The following EXOC1 variants were observed in gnomAD, a reference collection of about 807,000 sequenced individuals.
EXOC1 encodes exocyst complex component 1, also known as SEC3-like 1.
A neutral mutation model predicts 107.7 loss-of-function variants in EXOC1; 67 were observed. That is an observed-to-expected ratio of 0.62 (90% CI 0.51 to 0.76). EXOC1 has a LOEUF of 0.76. Among genes scored for constraint, EXOC1 ranks in the 30% least tolerant of loss-of-function variants. EXOC1 has a pLI of 0.00. For missense variants in EXOC1, 833 were observed against 1,055.7 expected, an observed-to-expected ratio of 0.79 and a Z score of 2.92; for synonymous variants, 348 against 353.5, an observed-to-expected ratio of 0.98 and a Z score of 0.17.
chr4:55,890,382 A>G lies in EXOC1; in HGVS notation c.1535A>G (p.Asp512Gly), dbSNP rs769854061. The change falls in exon 12 of 19, where the codon GAT (aspartate) becomes GGT (glycine). Residue 512 changes from aspartate (D) to glycine (G), a missense_variant. Coordinates refer to ENST00000381295, the MANE Select transcript of EXOC1 (RefSeq NM_001024924.2). Reference protein sequence around the residue: ...DLDVADRTKFDKIFEQVLSEL... With the variant: ...DLDVADRTKFGKIFEQVLSEL... ...GATGTTGCTGACAGGACCAAATTTGATAAGGTAAACTAAAATAACAAGTAC... is the reference window on the plus strand; with the variant it reads ...GATGTTGCTGACAGGACCAAATTTGGTAAGGTAAACTAAAATAACAAGTAC... The G allele has an allele frequency of 1.9e-6, 3 of 1,613,516 alleles. No homozygotes were observed. Among genetic ancestry groups the G allele is most frequent in the South Asian group, 2.2e-5 (2 of 91,050 alleles).
At position 55,877,845 on chromosome 4, in the gene EXOC1, T is replaced by C. The variant is rs561827838; in HGVS notation, c.1075-72T>C. 8.7e-5 allele frequency: 138 copies of C among 1,579,352 alleles called. 2 individuals carry two copies. In the Middle Eastern group the frequency reaches 2.5e-3, roughly 29 times the overall value. ...TTTGGCTTGGCCACATTTTGGTCATTGTTTAGACTTTTTATTGTAACGTTT... is the reference window on the plus strand; with the variant it reads ...TTTGGCTTGGCCACATTTTGGTCATCGTTTAGACTTTTTATTGTAACGTTT... On this transcript the variant is annotated intron_variant, in intron 8 of 18. Transcript: ENST00000381295.
intron 1 of EXOC1, among the ~76,000 whole-genome samples, chr4:55,856,828 A>G (rs944351057): frequency 6.6e-6 from 1 of 152,234 alleles, no homozygotes; most frequent in Non-Finnish European, 1.5e-5. Context: ...TATTGAGATT[A>G]TGTATCATAA....
chr4:55,886,407 G>A (rs990798938), intron 10 of EXOC1, among the ~76,000 whole-genome samples: 1 of 151,722 alleles, frequency 6.6e-6, no homozygotes, highest in Non-Finnish European at 1.5e-5. Flanking sequence ...TCAAAAATTA[G>A]CCAGGCATGG....
Position 55,902,353 on chromosome 4 carries a change from GA to G in EXOC1, c.2349del (p.Gly784ValfsTer10). On this transcript the variant is annotated frameshift_variant, in exon 18 of 19. Coordinates refer to ENST00000381295, the MANE Select transcript of EXOC1 (RefSeq NM_001024924.2). LOFTEE classifies it high-confidence loss of function. Reference protein sequence around the residue: ...QPLEKLNHFFEGVEARVAQGI... With the variant: ...QPLEKLNHFFXGVEARVAQGI... ...TTTCATTTCCTTGAAGCATTTCTTT[GA>G]AGGTGTTGAAGCTCGCGTGGCACAG... 1 of 1,458,274 alleles carries G rather than the reference GA, an allele frequency of 6.9e-7. No individual in the cohort carries two copies. Among genetic ancestry groups the G allele is most frequent in the Non-Finnish European group, 9.0e-7 (1 of 1,105,966 alleles). 90.3% of individuals were successfully genotyped at this position (1,458,274 alleles called of 1,614,324 possible).
Position 55,877,997 on chromosome 4 carries a change from G to A in EXOC1, c.1155G>A (p.Leu385=). The A allele has an allele frequency of 6.2e-7, 1 of 1,613,780 alleles. No individual in the cohort carries two copies. The highest frequency in any genetic ancestry group is 8.5e-7 in the Non-Finnish European group (1 of 1,179,856). Residue 385 remains leucine, a synonymous_variant, in exon 9 of 19, where the codon TTG becomes TTA. Coordinates refer to ENST00000381295, the MANE Select transcript of EXOC1 (RefSeq NM_001024924.2). ...ATCATCATCCATTTCATAGAGATTT[G>A]CTCCGATATGCCAAGCTGATGGAGT... The part of the protein sequence containing the change: ...LPNHHPFHRD[L]LRYAKLMEWL...
At position 55,858,348 on chromosome 4, in the gene EXOC1, CA is replaced by C; in HGVS notation, c.28del (p.Arg10GlufsTer12). The C allele has an allele frequency of 6.2e-7, 1 of 1,608,742 alleles. No homozygotes were observed. The highest frequency in any genetic ancestry group is 8.5e-7 in the Non-Finnish European group (1 of 1,177,718). ...GATGACAGCAATCAAGCATGCATTACAAAGAGACATTTTTACACCAAATGAT... is the reference window on the plus strand; with the variant it reads ...GATGACAGCAATCAAGCATGCATTACAAGAGACATTTTTACACCAAATGAT... MTAIKHAL[Q>X]RDIFTPNDER... is the part of the protein sequence containing the mutation. On this transcript the variant is annotated frameshift_variant, in exon 2 of 19. Transcript: ENST00000381295. LOFTEE classifies it high-confidence loss of function.
intron 16 of EXOC1, among the ~76,000 whole-genome samples, chr4:55,898,928 A>G (rs1407226112): frequency 1.3e-5 from 2 of 152,142 alleles, no homozygotes; most frequent in African/African-American, 4.8e-5. Flanking sequence ...ATTACTAGAA[A>G]TGGAATTACT....
At chr4:55,855,366 G>T (rs28592976) in intron 1 of EXOC1, among the ~76,000 whole-genome samples, 3,077 of 152,206 alleles carry the variant, frequency 0.02, 121 homozygotes, top group African/African-American at 0.07. Context: ...TAAGGGAATA[G>T]GGAAGCAAAT....
intron 8 of EXOC1, chr4:55,876,945 A>T: frequency 1.0e-6 from 1 of 985,282 alleles, no homozygotes; most frequent in Non-Finnish European, 1.2e-6. Flanking sequence ...GGCATGTCTT[A>T]TACTCCCATC....
chr4:55,893,124 G>A (rs1421048128), intron 14 of EXOC1, among the ~76,000 whole-genome samples: 1 of 152,002 alleles, frequency 6.6e-6, no homozygotes, highest in African/African-American at 2.4e-5. Flanking sequence ...TTTTGTTGTT[G>A]TTGTTTTCTG....
chr4:55,889,001 C>T, intron 11 of EXOC1, 69 bp downstream of exon 11: 9 of 1,556,410 alleles, frequency 5.8e-6, no homozygotes, highest in Non-Finnish European at 7.9e-6. Flanking sequence ...AATTAGTTGT[C>T]TTGAAAAAAG....
At chr4:55,898,337 G>A (rs1415531430) in intron 16 of EXOC1, among the ~76,000 whole-genome samples, 1 of 152,098 alleles carries the variant, frequency 6.6e-6, no homozygotes, top group Middle Eastern at 3.2e-3. Flanking sequence ...TAAAACTTAA[G>A]AACAGACAGA....
chr4:55,885,043 C>G (rs1334606996), intron 10 of EXOC1, among the ~76,000 whole-genome samples: 1 of 152,036 alleles, frequency 6.6e-6, no homozygotes, highest in East Asian at 1.9e-4. Context: ...CTAACTCATC[C>G]TAAAGGTTAA....
At chr4:55,875,522 G>GT (rs1722817437) in intron 8 of EXOC1, 1 of 976,636 alleles carries the variant, frequency 1.0e-6, no homozygotes, top group African/African-American at 1.8e-5. Context: ...AACTTCCTGG[G>GT]TTCAAAATCC....
chr4:55,863,561 A>G (rs1341720082), intron 3 of EXOC1, among the ~76,000 whole-genome samples: 3 of 152,178 alleles, frequency 2.0e-5, no homozygotes, highest in Non-Finnish European at 4.4e-5. Context: ...GCAGTGAACC[A>G]TGATTGCACC....
chr4:55,860,336 A>G, intron 2 of EXOC1, 75 bp from the exon 3 acceptor site: 2 of 1,577,898 alleles, frequency 1.3e-6, no homozygotes, highest in Non-Finnish European at 1.7e-6. Flanking sequence ...CCTGAAAGCT[A>G]TACTTGCAAT....
At position 55,892,680 on chromosome 4, in the gene EXOC1, A is replaced by G; in HGVS notation, c.1693A>G (p.Asn565Asp). ...TGGAGGAACATTATCACGGCAACAT[A>G]ATTGTGGCACACCACTGCCTGTTTC... ...LDGGTLSRQHNCGTPLPVSSE... is the reference protein window; with the variant it reads ...LDGGTLSRQHDCGTPLPVSSE... The change falls in exon 14 of 19, where the codon AAT becomes GAT. Residue 565 changes from asparagine (N) to aspartate (D), a missense_variant. Physicochemically the swap from Asn to Asp is conservative, Grantham distance 23 (BLOSUM62 1). Transcript: ENST00000381295. 2 of 1,614,104 alleles carry G rather than the reference A, an allele frequency of 1.2e-6. No individual in the cohort carries two copies. The highest frequency in any genetic ancestry group is 1.3e-5 in the African/African-American group (1 of 75,032).
At chr4:55,866,225 T>C (rs1577701177) in intron 4 of EXOC1, among the ~76,000 whole-genome samples, 1 of 152,200 alleles carries the variant, frequency 6.6e-6, no homozygotes, top group African/African-American at 2.4e-5. Flanking sequence ...TGTTGACAAT[T>C]GAATACGTAA....
intron 8 of EXOC1, chr4:55,875,926 T>C (rs1722855134): frequency 1.1e-6 from 1 of 928,146 alleles, no homozygotes; most frequent in African/African-American, 1.8e-5. Context: ...TTTTAAAAAA[T>C]AAAACACAAT....
Sources: gnomAD v4.1 joint callset for allele counts (sites outside exome capture counted in the v4.1 genomes callset) on GRCh38, gnomAD v4.1.1 for gene constraint, MANE v1.5 for transcripts, NCBI Gene and HGNC (gene_info 2026-07-23, HGNC 2026-07-21) for gene names.